ACHE: variants seen among roughly 807,000 people sequenced by gnomAD.
ACHE encodes the protein acetylcholinesterase.
In ACHE, 19 loss-of-function variants were observed where a neutral mutation model predicts 53.9. The ratio of observed to expected loss-of-function variants is 0.35; its 90% CI spans 0.25 to 0.52. The LOEUF (loss-of-function observed/expected upper bound fraction) is 0.52. Ranked by LOEUF, ACHE falls within the 20% of genes least tolerant of loss-of-function variation. The probability of loss-of-function intolerance (pLI) is 0.95; values close to 1 mark genes in which losing one functional copy is unlikely to be tolerated. For missense variants in ACHE, 605 were observed against 849.4 expected (o/e 0.71, Z 3.58); for synonymous variants, 392 against 378.1 (o/e 1.04, Z -0.43).
chr7:100,891,258 T>A lies in ACHE; in HGVS notation c.1634A>T (p.Asp545Val). The A allele has an allele frequency of 6.2e-7, 1 of 1,611,058 alleles. No individual in the cohort carries two copies. Among genetic ancestry groups the A allele is most frequent in the Non-Finnish European group, 8.5e-7 (1 of 1,179,628 alleles). Residue 545 changes from aspartate (D) to valine (V), a missense_variant, in exon 4 of 5, where the codon GAC becomes GTC. Asp to Val is a radical substitution (Grantham distance 152). This residue lies in a region of ACHE where 91 missense variants were observed against 83.2 expected (regional missense o/e 1.09). Coordinates refer to ENST00000241069, the MANE Select transcript of ACHE (RefSeq NM_000665.5). ...CCGCCGCACCTCCAGCGGCCGCAGG[T>A]CCAGACTAACGTACTGCTGAGCCCC... ...TAGAQQYVSL[D>V]LRPLEVRRGL...
At chr7:100,896,649 G>C, upstream of ACHE, 1 of 293,952 alleles carries the variant, frequency 3.4e-6, no homozygotes, top group Non-Finnish European at 7.1e-6. Flanking sequence ...CCGCGGGTGG[G>C]TCTGTGCTGG....
At position 100,892,616 on chromosome 7, in the gene ACHE, C is replaced by A. The variant is rs376838625; in HGVS notation, c.1271G>T (p.Arg424Leu). 6.2e-7 allele frequency: 1 copy of A among 1,613,162 alleles called. No homozygotes were observed. Among genetic ancestry groups the A allele is most frequent in the Non-Finnish European group, 8.5e-7 (1 of 1,179,900 alleles). Residue 424 changes from arginine (R) to leucine (L), a missense_variant, in exon 3 of 5, where the codon CGC becomes CTC. By Grantham distance (102) the Arg-to-Leu change is moderately radical. This residue lies in a region of ACHE where 397 missense variants were observed against 632.5 expected (regional missense o/e 0.63). Coordinates refer to ENST00000241069, the MANE Select transcript of ACHE (RefSeq NM_000665.5). The surrounding 1 kb of genome is among the most constrained non-coding windows in gnomAD (Gnocchi z 5.2). ...CACATCGCTCAGGGCCTCCCTCAGG[C>A]GTGCCGGGTCCTCGGGATGCAGCCA... Reference protein sequence around the residue: ...TDWLHPEDPARLREALSDVVG... With the variant: ...TDWLHPEDPALLREALSDVVG...
intron 1 of ACHE, among the ~76,000 whole-genome samples, chr7:100,895,117 C>T (rs900896775): frequency 1.3e-5 from 2 of 152,122 alleles, no homozygotes; most frequent in African/African-American, 2.4e-5. Flanking sequence ...AGATCCCCGG[C>T]TGCAGGGGCG....
At chr7:100,895,096 C>T (rs1378059288) in intron 1 of ACHE, among the ~76,000 whole-genome samples, 7 of 152,068 alleles carry the variant, frequency 4.6e-5, no homozygotes, top group Non-Finnish European at 8.8e-5. Context: ...CCTGCGTTCC[C>T]GGGACTCCGG....
upstream of ACHE, chr7:100,896,601 G>A (rs1563041763): frequency 3.7e-6 from 1 of 268,786 alleles, no homozygotes; most frequent in Non-Finnish European, 8.0e-6. Context: ...GCTGGGCGAG[G>A]CCGCACTCCG....
At position 100,892,389 on chromosome 7, in the gene ACHE, C is replaced by T; in HGVS notation, c.1498G>A (p.Glu500Lys). 1 of 1,517,826 alleles carries T rather than the reference C, an allele frequency of 6.6e-7. No homozygotes were observed. The highest frequency in any genetic ancestry group is 8.8e-7 in the Non-Finnish European group (1 of 1,130,218). The allele number at this position is 1,517,826 out of a possible 1,614,324, so 94.0% of individuals were successfully genotyped here. Residue 500 changes from glutamate to lysine, a missense_variant, in exon 3 of 5, where the codon GAG becomes AAG. Physicochemically the swap from Glu to Lys is moderately conservative, Grantham distance 56. This residue lies in a region of ACHE where 397 missense variants were observed against 632.5 expected (regional missense o/e 0.63). Transcript: ENST00000241069. This position sits in a 1 kb window ranked among gnomAD's most constrained non-coding sequence, Gnocchi z 5.2. ...ATCAGTCGCTGGGCGAAGATTTTCTCCTCTGCCGTGTAGTTTCGAGAGGGG... is the reference window on the plus strand; with the variant it reads ...ATCAGTCGCTGGGCGAAGATTTTCTTCTCTGCCGTGTAGTTTCGAGAGGGG... ...LDPSRNYTAE[E>K]KIFAQRLMRY...
chr7:100,891,395 A>G (rs1405945466), intron 3 of ACHE, 57 bp from the exon 4 acceptor site: 3 of 1,462,126 alleles, frequency 2.1e-6, no homozygotes, highest in African/African-American at 2.9e-5. Context: ...GTGGCCCCCA[A>G]CTCCACGGGA....
intron 4 of ACHE, 143 bp downstream of exon 4, chr7:100,891,026 G>A: frequency 6.9e-7 from 1 of 1,457,832 alleles, no homozygotes; most frequent in African/African-American, 1.4e-5. Flanking sequence ...GGCAGGGGGA[G>A]GCCGGGCCTC....
chr7:100,891,400 A>G, intron 3 of ACHE, 62 bp from the exon 4 acceptor site: 1 of 1,464,406 alleles, frequency 6.8e-7, no homozygotes, highest in African/African-American at 1.4e-5. Context: ...CCCCAACTCC[A>G]CGGGATCCCG....
Position 100,891,266 on chromosome 7 carries a change from A to G in ACHE, c.1626T>C (p.Val542=). The G allele has an allele frequency of 1.2e-6, 2 of 1,610,630 alleles. No homozygotes were observed. The highest frequency in any genetic ancestry group is 1.3e-5 in the African/African-American group (1 of 74,948). ...CCTCCAGCGGCCGCAGGTCCAGACT[A>G]ACGTACTGCTGAGCCCCCGCCGTGT... ...PPYTAGAQQY[V]SLDLRPLEVR... is the part of the protein sequence containing the mutation. The change falls in exon 4 of 5, where the codon GTT becomes GTC. Residue 542 remains valine (V), a synonymous_variant. Transcript: ENST00000241069.
Position 100,892,214 on chromosome 7 carries a change from T to G in ACHE, c.1553+120A>C, listed in dbSNP as rs974081367. 22 of 1,274,378 alleles carry G rather than the reference T, an allele frequency of 1.7e-5. No homozygotes were observed. The highest frequency in any genetic ancestry group is 2.0e-5 in the Non-Finnish European group (20 of 976,308). 78.9% of individuals were successfully genotyped at this position (1,274,378 alleles called of 1,614,324 possible). A position where few individuals can be genotyped will look rare whatever the true frequency, so the allele number is the denominator to read the frequency against. On this transcript the variant is annotated intron_variant, in intron 3 of 4. Transcript: ENST00000241069. The surrounding 1 kb of genome is among the most constrained non-coding windows in gnomAD (Gnocchi z 5.2). ...TCTACTTTGTGAGCATATCCCTCTC[T>G]GGCTGTTCTATCCTGCCCCTGTCCC...
At chr7:100,894,321 C>T in intron 1 of ACHE, 69 bp from the exon 2 acceptor site, 2 of 1,167,982 alleles carry the variant, frequency 1.7e-6, no homozygotes, top group Non-Finnish European at 2.3e-6. Context: ...GATTAGGGCA[C>T]TGTCGGCCCA....
At chr7:100,891,050 C>G (rs962887971) in intron 4 of ACHE, 119 bp downstream of exon 4, 15 of 1,480,864 alleles carry the variant, frequency 1.0e-5, no homozygotes, top group Non-Finnish European at 1.3e-5. Context: ...GCAGCCTCCC[C>G]ATGGGTGAAG....
rs907572481 is a variant in ACHE, at chr7:100,893,044, AGGACTTCTG to A, written c.1068+112_1068+120del. The A allele has an allele frequency of 2.4e-5, 31 of 1,270,124 alleles. No homozygotes were observed. The East Asian group carries it at 3.3e-4, about 13-fold the overall frequency. 78.7% of individuals were successfully genotyped at this position (1,270,124 alleles called of 1,614,324 possible). ...CACCCTGGGATCTGAGCCCTCAGGG[AGGACTTCTG>A]GGACTTCTGGGAATGGGCCTGGAGA... On this transcript the variant is annotated intron_variant, in intron 2 of 4. Coordinates refer to ENST00000241069, the MANE Select transcript of ACHE (RefSeq NM_000665.5).
chr7:100,895,958 C>T (rs1481859352), upstream of ACHE: 1 of 148,320 alleles, frequency 6.7e-6, no homozygotes, highest in Non-Finnish European at 1.5e-5. Flanking sequence ...CCCCCGCCCA[C>T]TGTCTCCGCC....
At chr7:100,890,596 G>A in intron 4 of ACHE, 1 of 1,393,732 alleles carries the variant, frequency 7.2e-7, no homozygotes, top group Non-Finnish European at 9.3e-7. Flanking sequence ...CGGGAACAGA[G>A]GGGACAGGAG....
chr7:100,891,092 G>A, intron 4 of ACHE, 77 bp downstream of exon 4: 1 of 1,540,334 alleles, frequency 6.5e-7, no homozygotes, highest in Non-Finnish European at 8.8e-7. Flanking sequence ...TCCGAGGCTA[G>A]GGGGAGAAGA....
At position 100,892,887 on chromosome 7, in the gene ACHE, G is replaced by A. The variant is rs1272099697; in HGVS notation, c.1069-69C>T. On this transcript the variant is annotated intron_variant, in intron 2 of 4. Coordinates refer to ENST00000241069, the MANE Select transcript of ACHE (RefSeq NM_000665.5). The surrounding 1 kb of genome is among the most constrained non-coding windows in gnomAD (Gnocchi z 5.2). ...GACAGACAAGTAGACAGAAACAGAT[G>A]GACAGACAAAGAGCCAGAGAGATGA... 4 of 1,471,602 alleles carry A rather than the reference G, an allele frequency of 2.7e-6. No individual in the cohort carries two copies. The highest frequency in any genetic ancestry group is 3.6e-6 in the Non-Finnish European group (4 of 1,109,970). 91.2% of individuals were successfully genotyped at this position (1,471,602 alleles called of 1,614,324 possible). A position where few individuals can be genotyped will look rare whatever the true frequency, so the allele number is the denominator to read the frequency against.
Position 100,892,326 on chromosome 7 carries a change from C to T in ACHE, c.1553+8G>A, listed in dbSNP as rs947520697. 3 of 1,508,726 alleles carry T rather than the reference C, an allele frequency of 2.0e-6. No individual in the cohort carries two copies. The highest frequency in any genetic ancestry group is 1.8e-6 in the Non-Finnish European group (2 of 1,126,920). The allele number at this position is 1,508,726 out of a possible 1,614,324, so 93.5% of individuals were successfully genotyped here. On this transcript the variant is annotated splice_region_variant and intron_variant, in intron 3 of 4. Coordinates refer to ENST00000241069, the MANE Select transcript of ACHE (RefSeq NM_000665.5). The surrounding 1 kb of genome is among the most constrained non-coding windows in gnomAD (Gnocchi z 5.2). ...CTCCCCAGCCTTCTCTCCCTCTGCA[C>T]TGCTGACCCTGTGCGGGCAAAGTTG...
Sources: gnomAD v4.1 joint callset for allele counts (sites outside exome capture counted in the v4.1 genomes callset) on GRCh38, gnomAD v4.1.1 for gene constraint, gnomAD v4.1.1 regional missense constraint, Gnocchi (gnomAD v3.1) non-coding constraint, MANE v1.5 for transcripts, NCBI Gene and HGNC (gene_info 2026-07-23, HGNC 2026-07-21) for gene names.